AGTPBP1: variants seen among roughly 807,000 people sequenced by gnomAD.
AGTPBP1 encodes ATP/GTP binding carboxypeptidase 1.
Under a neutral mutation model 143.9 loss-of-function variants are expected in AGTPBP1, and 70 were observed. The ratio of observed to expected loss-of-function variants is 0.49; its 90% CI spans 0.40 to 0.59. The LOEUF (loss-of-function observed/expected upper bound fraction) is 0.59. Among genes scored for constraint, AGTPBP1 ranks in the 20% least tolerant of loss-of-function variants. The probability of loss-of-function intolerance (pLI) is 0.00; values close to 1 mark genes in which losing one functional copy is unlikely to be tolerated. For synonymous variants in AGTPBP1, 463 were observed against 500.2 expected (o/e 0.93, Z 0.99); for missense variants, 1,229 against 1,464.5 (o/e 0.84, Z 2.62).
At chr9:85,697,994 C>T (rs1051683706) in intron 2 of AGTPBP1, among the ~76,000 whole-genome samples, 3 of 152,068 alleles carry the variant, frequency 2.0e-5, no homozygotes, top group Admixed American at 6.5e-5. Flanking sequence ...ATTTCTGTAA[C>T]CCAGATTTGA....
intron 17 of AGTPBP1, among the ~76,000 whole-genome samples, chr9:85,610,427 A>G (rs1350481616): frequency 6.6e-6 from 1 of 152,188 alleles, no homozygotes. Context: ...TGAAACATAA[A>G]TATTTTTAAA....
chr9:85,697,445 GTTTTT>G, intron 2 of AGTPBP1, among the ~76,000 whole-genome samples: 1 of 65,058 alleles, frequency 1.5e-5, no homozygotes, highest in Non-Finnish European at 2.7e-5. Flanking sequence ...TTTGTTTTTT[GTTTTT>G]TTTTTTTTTT....
In AGTPBP1 at chr9:85,547,287, C is replaced by A. The variant is rs1466345300; in HGVS notation, c.3504-1G>T. Reference sequence around the variant, plus strand: ...TTCATCCAAGACATAAGTGGTAGGGCTGCAGCCAAAACACACAGAACATAC... The same window carrying A: ...TTCATCCAAGACATAAGTGGTAGGGATGCAGCCAAAACACACAGAACATAC... On this transcript the variant is annotated splice_acceptor_variant, in intron 25 of 25. Transcript: ENST00000357081. LOFTEE classifies it high-confidence loss of function. The A allele has an allele frequency of 6.2e-7, 1 of 1,606,402 alleles. No homozygotes were observed. Among genetic ancestry groups the A allele is most frequent in the Non-Finnish European group, 8.5e-7 (1 of 1,176,830 alleles).
rs554229570 is a variant in AGTPBP1, at chr9:85,718,999, G to GC, written c.-33-6434_-33-6433insG. 3.8e-3 allele frequency among the ~76,000 whole-genome samples: 582 copies of GC among 152,170 alleles called. 2 individuals carry two copies. The highest frequency in any genetic ancestry group is 0.013 in the African/African-American group (555 of 41,486). ...GTTGCAGATGTATGGTGTTATATCT[G>GC]AGGCCTCTGTTCTGTTCCATTGGTC... On this transcript the variant is annotated intron_variant, in intron 1 of 25. Coordinates refer to ENST00000357081, the MANE Select transcript of AGTPBP1 (RefSeq NM_001330701.2).
intron 11 of AGTPBP1, among the ~76,000 whole-genome samples, chr9:85,654,634 G>A (rs1165357310): frequency 6.6e-6 from 1 of 152,110 alleles, no homozygotes; most frequent in East Asian, 1.9e-4. Flanking sequence ...CTTGAGGTCA[G>A]GAGTTTGAGA....
At chr9:85,725,017 A>C (rs1302235785) in intron 1 of AGTPBP1, among the ~76,000 whole-genome samples, 1 of 152,198 alleles carries the variant, frequency 6.6e-6, no homozygotes, top group African/African-American at 2.4e-5. Context: ...ATACCACAGG[A>C]ACTTGGAAGT....
chr9:85,558,440 T>C lies in AGTPBP1; in HGVS notation c.3504-11154A>G, dbSNP rs192314487. 3.0e-3 allele frequency among the ~76,000 whole-genome samples: 460 copies of C among 152,326 alleles called. 3 individuals are homozygous for C. The highest frequency in any genetic ancestry group is 0.011 in the African/African-American group (443 of 41,590). ...CCATTGTCAACATACTAAATGCCAC[T>C]GAATTGTTTGCTTTAAAATGGTTAA... On this transcript the variant is annotated intron_variant, in intron 25 of 25. Transcript: ENST00000357081.
intron 25 of AGTPBP1, among the ~76,000 whole-genome samples, chr9:85,567,072 G>C (rs943414957): frequency 1.3e-5 from 2 of 152,160 alleles, no homozygotes; most frequent in Admixed American, 1.3e-4. Context: ...AGCCCTGAGA[G>C]GGCCAGGTAG....
At chr9:85,621,028 T>A (rs2133553180) in intron 15 of AGTPBP1, among the ~76,000 whole-genome samples, 174 bp downstream of exon 15, 1 of 152,254 alleles carries the variant, frequency 6.6e-6, no homozygotes, top group South Asian at 2.1e-4. Context: ...TACCATTACA[T>A]CCCAAAGGAT....
chr9:85,729,481 G>A (rs189830952), intron 1 of AGTPBP1, among the ~76,000 whole-genome samples: 2 of 152,160 alleles, frequency 1.3e-5, no homozygotes, highest in African/African-American at 4.8e-5. Context: ...TTTTTGCATA[G>A]GATCTAAAGT....
the AGTPBP1 span, among the ~76,000 whole-genome samples, chr9:85,754,942 T>G: frequency 6.6e-6 from 1 of 152,140 alleles, no homozygotes; most frequent in Non-Finnish European, 1.5e-5. Context: ...CTTGCTAGAC[T>G]TCCTAGGATC....
At chr9:85,669,445 A>C (rs539274546) in intron 8 of AGTPBP1, 40 bp downstream of exon 8, 1 of 1,347,408 alleles carries the variant, frequency 7.4e-7, no homozygotes, top group South Asian at 1.2e-5. Flanking sequence ...CCAGAGTAAC[A>C]AAGGCTATAC....
chr9:85,586,997 G>A, intron 21 of AGTPBP1, 37 bp from the exon 22 acceptor site: 1 of 1,611,656 alleles, frequency 6.2e-7, no homozygotes, highest in Non-Finnish European at 8.5e-7. Context: ...AAAAACACTG[G>A]TACCCATAAA....
At chr9:85,710,879 T>A (rs1052008948) in intron 2 of AGTPBP1, among the ~76,000 whole-genome samples, 2 of 152,184 alleles carry the variant, frequency 1.3e-5, no homozygotes, top group Admixed American at 6.5e-5. Context: ...ATGCAAAAAG[T>A]AAGGCATTTT....
chr9:85,547,458 T>C (rs1449940777), intron 25 of AGTPBP1, among the ~76,000 whole-genome samples, 172 bp from the exon 26 acceptor site: 1 of 152,230 alleles, frequency 6.6e-6, no homozygotes, highest in Non-Finnish European at 1.5e-5. Context: ...GAAAGTTCCT[T>C]GTATTGACAA....
chr9:85,568,418 T>C (rs1225992266), intron 25 of AGTPBP1, among the ~76,000 whole-genome samples: 1 of 152,158 alleles, frequency 6.6e-6, no homozygotes, highest in Non-Finnish European at 1.5e-5. Flanking sequence ...TTCTGAAAAT[T>C]CAAGGGTGGT....
chr9:85,627,334 A>G (rs1253464795), intron 14 of AGTPBP1, among the ~76,000 whole-genome samples: 1 of 152,176 alleles, frequency 6.6e-6, no homozygotes, highest in African/African-American at 2.4e-5. Flanking sequence ...CCCTGACAAG[A>G]TGTCTCACCA....
chr9:85,576,331 T>A (rs1827899071), intron 24 of AGTPBP1, among the ~76,000 whole-genome samples: 1 of 152,188 alleles, frequency 6.6e-6, no homozygotes, highest in African/African-American at 2.4e-5. Flanking sequence ...AAACTGCTTT[T>A]CAGTGACCAG....
At chr9:85,765,801 A>G in the AGTPBP1 span, among the ~76,000 whole-genome samples, 2 of 152,230 alleles carry the variant, frequency 1.3e-5, no homozygotes, top group East Asian at 1.9e-4. Flanking sequence ...GGAAGTTATG[A>G]GGGCTAGTTA....
Sources: allele counts gnomAD v4.1 joint callset (sites outside exome capture counted in the v4.1 genomes callset), GRCh38; gene constraint gnomAD v4.1.1; transcripts MANE v1.5; gene names NCBI Gene and HGNC (gene_info 2026-07-23, HGNC 2026-07-21).